The following RBFOX1 variants were observed in gnomAD, a reference collection of about 807,000 sequenced individuals.
RBFOX1 encodes the protein RNA binding protein fox-1 homolog 1.
In RBFOX1, 8 loss-of-function variants were observed where a neutral mutation model predicts 57.7. The observed-to-expected ratio is 0.14, with a 90% CI of 0.08 to 0.25. RBFOX1 has a LOEUF of 0.25. Ranked by LOEUF, RBFOX1 falls within the 10% of genes least tolerant of loss-of-function variation. The pLI is 1.00. For missense variants in RBFOX1, 611 were observed against 548.5 expected, an observed-to-expected ratio of 1.11 and a Z score of -1.14; for synonymous variants, 326 against 222.4, an observed-to-expected ratio of 1.47 and a Z score of -4.15.
chr16:6,208,677 A>C (rs181882523), intron 1 of RBFOX1, among the ~76,000 whole-genome samples: 1 of 152,198 alleles, frequency 6.6e-6, no homozygotes, highest in African/African-American at 2.4e-5. Context: ...TAGAAATTCA[A>C]ATGAATGGCC....
intron 2 of RBFOX1, among the ~76,000 whole-genome samples, chr16:6,647,826 C>G (rs551478077): frequency 1.3e-5 from 2 of 152,074 alleles, no homozygotes; most frequent in African/African-American, 2.4e-5. Flanking sequence ...CCTTGACTGC[C>G]TAGGGATAAG....
intron 4 of RBFOX1, among the ~76,000 whole-genome samples, chr16:7,411,408 C>G (rs981830712): frequency 1.3e-5 from 2 of 152,112 alleles, no homozygotes; most frequent in South Asian, 4.1e-4. Flanking sequence ...TAAATTTCAC[C>G]CGGTCTTTCA....
At chr16:6,732,288 A>T (rs1001456089) in intron 3 of RBFOX1, among the ~76,000 whole-genome samples, 4 of 152,194 alleles carry the variant, frequency 2.6e-5, no homozygotes, top group African/African-American at 4.8e-5. Flanking sequence ...GTGAAATTCC[A>T]GCTCCAGAAT....
intron 2 of RBFOX1, among the ~76,000 whole-genome samples, chr16:6,551,114 A>C (rs1039251428): frequency 3.3e-5 from 5 of 152,194 alleles, no homozygotes; most frequent in African/African-American, 1.2e-4. Context: ...TTTGGGTTAC[A>C]GAGCTCAACT....
At chr16:6,067,387 A>C (rs867293527) in intron 1 of RBFOX1, among the ~76,000 whole-genome samples, 5 of 151,992 alleles carry the variant, frequency 3.3e-5, no homozygotes, top group Non-Finnish European at 7.4e-5. Context: ...AACCAACCAA[A>C]CAAACAAACA....
intron 4 of RBFOX1, among the ~76,000 whole-genome samples, chr16:7,162,235 C>G (rs1424404415): frequency 1.3e-5 from 2 of 152,168 alleles, no homozygotes; most frequent in African/African-American, 2.4e-5. Context: ...TACAATTTAT[C>G]TGTCCACTCA....
intron 4 of RBFOX1, among the ~76,000 whole-genome samples, chr16:7,211,954 A>G (rs6500927): frequency 6.6e-6 from 1 of 151,562 alleles, no homozygotes; most frequent in Admixed American, 6.6e-5. Context: ...TCTCACCCCT[A>G]CTCCCTCCTA....
At chr16:6,359,540 C>G (rs1287225282) in intron 2 of RBFOX1, among the ~76,000 whole-genome samples, 1 of 152,162 alleles carries the variant, frequency 6.6e-6, no homozygotes, top group African/African-American at 2.4e-5. Flanking sequence ...AATGTTAATT[C>G]TTTTGGTAGC....
intron 2 of RBFOX1, among the ~76,000 whole-genome samples, chr16:6,431,896 G>GCTTGCTTGCTTGCTTGCTTGCTTGCTTT (rs1491277692): frequency 2.6e-3 from 331 of 128,116 alleles, no homozygotes; most frequent in Middle Eastern, 7.6e-3. Context: ...TTGCTTGCTT[G>GCTTGCTTGCTTGCTTGCTTGCTTGCTTT]CTTTCTTTCT....
intron 4 of RBFOX1, among the ~76,000 whole-genome samples, chr16:7,434,883 A>G (rs67946467): frequency 0.6 from 90,772 of 151,798 alleles, 30,478 homozygotes; most frequent in Non-Finnish European, 0.76. Context: ...GGGATTACAG[A>G]CATGCACCAC....
At chr16:7,029,185 T>C (rs1266555610) in intron 3 of RBFOX1, among the ~76,000 whole-genome samples, 1 of 58,512 alleles carries the variant, frequency 1.7e-5, no homozygotes, top group South Asian at 9.9e-4. Flanking sequence ...TATACGTGTA[T>C]ATATACACAT....
chr16:5,735,341 A>G (rs1294515236), intron 3 of RBFOX1, among the ~76,000 whole-genome samples: 4 of 152,228 alleles, frequency 2.6e-5, no homozygotes, highest in Admixed American at 1.3e-4. Flanking sequence ...AAAGCAGACT[A>G]TTGCCTGAAT....
intron 3 of RBFOX1, among the ~76,000 whole-genome samples, chr16:6,716,556 C>T (rs1451959359): frequency 6.6e-6 from 1 of 152,234 alleles, no homozygotes; most frequent in Non-Finnish European, 1.5e-5. Context: ...ACTCTTCCAT[C>T]TTCTTGGAAT....
chr16:5,349,955 C>G (rs931689527), intron 1 of RBFOX1, among the ~76,000 whole-genome samples: 1 of 152,200 alleles, frequency 6.6e-6, no homozygotes, highest in East Asian at 1.9e-4. Flanking sequence ...TTTCTCACTC[C>G]TCTATAATTA....
intron 1 of RBFOX1, among the ~76,000 whole-genome samples, chr16:5,363,608 A>T (rs1311934280): frequency 1.3e-5 from 2 of 152,132 alleles, no homozygotes; most frequent in Non-Finnish European, 2.9e-5. Context: ...GACTTTTCCC[A>T]ACACCTCAGA....
At chr16:7,451,741 C>A (rs2098862877) in intron 4 of RBFOX1, among the ~76,000 whole-genome samples, 1 of 137,674 alleles carries the variant, frequency 7.3e-6, no homozygotes, top group Non-Finnish European at 1.5e-5. Flanking sequence ...AAGGAGAAAA[C>A]ATTTATTTCT....
intron 4 of RBFOX1, among the ~76,000 whole-genome samples, chr16:5,903,455 A>G (rs1489239549): frequency 1.3e-5 from 2 of 152,122 alleles, no homozygotes; most frequent in African/African-American, 2.4e-5. Flanking sequence ...TTTATGGGGT[A>G]CAGTTGCTGT....
chr16:7,513,210 C>A (rs1046677394), intron 4 of RBFOX1, among the ~76,000 whole-genome samples: 5 of 151,948 alleles, frequency 3.3e-5, no homozygotes, highest in African/African-American at 1.2e-4. Context: ...TTGCAGTGAG[C>A]CGAGAGCCTA....
chr16:5,764,031 C>T (rs1270156572), intron 3 of RBFOX1, among the ~76,000 whole-genome samples: 3 of 152,216 alleles, frequency 2.0e-5, no homozygotes, highest in Non-Finnish European at 2.9e-5. Flanking sequence ...GCTGTACCCC[C>T]GTGGTTAGAA....
Sources: allele counts gnomAD v4.1 joint callset (sites outside exome capture counted in the v4.1 genomes callset), GRCh38; gene constraint gnomAD v4.1.1; transcripts MANE v1.5; gene names NCBI Gene and HGNC (gene_info 2026-07-23, HGNC 2026-07-21).